The following WRNIP1 variants were observed in gnomAD, a reference collection of about 807,000 sequenced individuals.
WRNIP1 encodes WRN helicase interacting protein 1, also known as ATPase WRNIP1.
In WRNIP1, 41 loss-of-function variants were observed where a neutral mutation model predicts 56.1. That is an observed-to-expected ratio of 0.73 (90% CI 0.57 to 0.95). WRNIP1 has a LOEUF of 0.95. Ranked by LOEUF, WRNIP1 falls within the 40% of genes least tolerant of loss-of-function variation. The pLI, the probability that WRNIP1 is intolerant of heterozygous loss-of-function variation, is 0.00. For missense variants in WRNIP1, 1,170 were observed against 939.4 expected, an observed-to-expected ratio of 1.25 and a Z score of -3.21; for synonymous variants, 547 against 398.1, an observed-to-expected ratio of 1.37 and a Z score of -4.45.
intron 3 of WRNIP1, among the ~76,000 whole-genome samples, chr6:2,778,007 G>A (rs1490962429): frequency 6.6e-6 from 1 of 152,174 alleles, no homozygotes; most frequent in Non-Finnish European, 1.5e-5. Flanking sequence ...GGTAAATATG[G>A]GGGTGAGATG....
chr6:2,772,555 A>AC (rs1483483673), intron 3 of WRNIP1, among the ~76,000 whole-genome samples: 1 of 152,202 alleles, frequency 6.6e-6, no homozygotes, highest in Non-Finnish European at 1.5e-5. Context: ...AGGGATAATT[A>AC]CCCAGGTATC....
At chr6:2,779,065 C>T (rs1013940016) in intron 3 of WRNIP1, among the ~76,000 whole-genome samples, 198 bp from the exon 4 acceptor site, 10 of 152,106 alleles carry the variant, frequency 6.6e-5, no homozygotes, top group African/African-American at 2.4e-4. Flanking sequence ...AGATACAGGG[C>T]GATAACCTGG....
intron 2 of WRNIP1, 72 bp downstream of exon 2, chr6:2,768,954 CA>C: frequency 6.9e-7 from 1 of 1,443,764 alleles, no homozygotes; most frequent in South Asian, 1.4e-5. Context: ...GATCACTATA[CA>C]AACGCTAGAG....
chr6:2,777,043 GTTGA>G (rs1170126250), intron 3 of WRNIP1, among the ~76,000 whole-genome samples: 1 of 152,188 alleles, frequency 6.6e-6, no homozygotes, highest in Non-Finnish European at 1.5e-5. Flanking sequence ...TAGCTGTAAG[GTTGA>G]TGGTTGCATG....
intron 2 of WRNIP1, among the ~76,000 whole-genome samples, chr6:2,769,272 ACAAT>A (rs1352085905): frequency 3.0e-4 from 45 of 152,118 alleles, no homozygotes. Flanking sequence ...TGAAAATTAA[ACAAT>A]CGGTATTTTC....
Position 2,779,384 on chromosome 6 carries a change from A to T in WRNIP1, c.1378A>T (p.Met460Leu), listed in dbSNP as rs756199418. 16 of 1,614,182 alleles carry T rather than the reference A, an allele frequency of 9.9e-6. No homozygotes were observed. The highest frequency in any genetic ancestry group is 1.7e-5 in the Admixed American group (1 of 60,020). ...AVLARLSSRK[M>L]FCKKSGQSYS... The stretch of plus-strand genomic sequence containing the variant: ...GCTGGCTAGGTTAAGCTCTAGGAAG[A>T]TGTTCTGTAAGAAGAGTGGGCAATC... Residue 460 changes from methionine to leucine, a missense_variant, in exon 4 of 7, where the codon ATG becomes TTG. Transcript: ENST00000380773.
In WRNIP1 at chr6:2,766,076, G is replaced by C. The variant is rs1017451316; in HGVS notation, c.454G>C (p.Ala152Pro). ...RPAAAAAAGS[A>P]SPRSWDEAEA... ...GGCGGCCGCCGCCGCGGCGGGGAGC[G>C]CGTCTCCGCGCAGCTGGGACGAGGC... The change falls in exon 1 of 7, where the codon GCG becomes CCG. Residue 152 changes from alanine to proline, a missense_variant. Ala to Pro is a conservative substitution (Grantham distance 27, BLOSUM62 -1). Coordinates refer to ENST00000380773, the MANE Select transcript of WRNIP1 (RefSeq NM_020135.3). 4.6e-6 allele frequency: 6 copies of C among 1,297,430 alleles called. No homozygotes were observed. Among genetic ancestry groups the C allele is most frequent in the Non-Finnish European group, 1.9e-6 (2 of 1,027,522 alleles). 80.4% of individuals were successfully genotyped at this position (1,297,430 alleles called of 1,614,324 possible). A position where few individuals can be genotyped will look rare whatever the true frequency, so the allele number is the denominator to read the frequency against.
chr6:2,770,396 C>G (rs760523880), intron 3 of WRNIP1, 35 bp downstream of exon 3: 2 of 1,611,766 alleles, frequency 1.2e-6, no homozygotes, highest in Non-Finnish European at 8.5e-7. Context: ...TGGGGGCACA[C>G]ACCTCCCAGA....
chr6:2,766,339 C>G lies in WRNIP1; in HGVS notation c.717C>G (p.Tyr239Ter). Residue 239 changes from tyrosine (Y) to a stop codon, truncating the protein, a stop_gained, in exon 1 of 7, where the codon TAC becomes TAG. Coordinates refer to ENST00000380773, the MANE Select transcript of WRNIP1 (RefSeq NM_020135.3). LOFTEE classifies it high-confidence loss of function. ...TGCGTCCTGACACGCTGCAGGATTA[C>G]TTCGGGCAGAGCAAGGCCGTGGGCC... ...DTMRPDTLQD[Y>*]FGQSKAVGQD... The G allele has an allele frequency of 6.2e-7, 1 of 1,610,854 alleles. No homozygotes were observed. Among genetic ancestry groups the G allele is most frequent in the Non-Finnish European group, 8.5e-7 (1 of 1,179,086 alleles).
At position 2,766,436 on chromosome 6, in the gene WRNIP1, T is replaced by C; in HGVS notation, c.814T>C (p.Cys272Arg). 1 of 1,558,224 alleles carries C rather than the reference T, an allele frequency of 6.4e-7. No individual in the cohort carries two copies. The highest frequency in any genetic ancestry group is 8.7e-7 in the Non-Finnish European group (1 of 1,145,960). ...GCTTATCCTGTGGGGGCCGCCGGGC[T>C]GCGGCAAGGTGAGTGCGGCCTTGGC... Reference protein sequence around the residue: ...PSLILWGPPGCGKTTLAHIIA... With the variant: ...PSLILWGPPGRGKTTLAHIIA... The change falls in exon 1 of 7, where the codon TGC becomes CGC. Residue 272 changes from cysteine (C) to arginine (R), a missense_variant. Transcript: ENST00000380773.
In WRNIP1 at chr6:2,765,546, G is replaced by T; in HGVS notation, c.-77G>T. On this transcript the variant is annotated 5_prime_UTR_variant, in exon 1 of 7. It removes the in-frame stop codon of an upstream open reading frame in the 5' UTR. Transcript: ENST00000380773. The stretch of plus-strand genomic sequence containing the variant: ...CGAGGGTCTCGCGGCGCGGGGCCTA[G>T]CGGAGGGCATCGAAGGCCTCCGCGT... 7.4e-7 allele frequency: 1 copy of T among 1,357,952 alleles called. No homozygotes were observed. Among genetic ancestry groups the T allele is most frequent in the Non-Finnish European group, 9.4e-7 (1 of 1,062,860 alleles). 84.1% of individuals were successfully genotyped at this position (1,357,952 alleles called of 1,614,324 possible). A position where few individuals can be genotyped will look rare whatever the true frequency, so the allele number is the denominator to read the frequency against.
Position 2,779,491 on chromosome 6 carries a change from A to G in WRNIP1, c.1485A>G (p.Ala495=). 6.2e-7 allele frequency: 1 copy of G among 1,612,578 alleles called. No individual in the cohort carries two copies. Among genetic ancestry groups the G allele is most frequent in the Non-Finnish European group, 8.5e-7 (1 of 1,179,200 alleles). The change falls in exon 4 of 7, where the codon GCA becomes GCG. Residue 495 remains alanine, a splice_region_variant and synonymous_variant. Transcript: ENST00000380773. ...LQRSHILYDR[A]GEEHYNCISA... ...GATCCCACATTTTATATGACCGGGC[A>G]GGTAAGTAATTCACCTGTGGAAAGA... is the stretch of plus-strand genomic sequence containing the variant.
At chr6:2,773,766 T>C in intron 3 of WRNIP1, 1 of 878,510 alleles carries the variant, frequency 1.1e-6, no homozygotes, top group East Asian at 1.3e-4. Flanking sequence ...TCAAAAACAC[T>C]CCTAAAGAAT....
chr6:2,783,911 G>A (rs1206283247), intron 5 of WRNIP1, among the ~76,000 whole-genome samples: 1 of 151,956 alleles, frequency 6.6e-6, no homozygotes, highest in African/African-American at 2.4e-5. Context: ...GGTTTTCTTT[G>A]GACAGCTCCC....
intron 3 of WRNIP1, among the ~76,000 whole-genome samples, chr6:2,777,207 C>T (rs1278296437): frequency 4.6e-5 from 7 of 152,168 alleles, no homozygotes; most frequent in Non-Finnish European, 2.9e-5. Flanking sequence ...AAAGGTTTCA[C>T]TCTGAGATTA....
In WRNIP1 at chr6:2,784,415, A is replaced by G. The variant is rs1311174440; in HGVS notation, c.1722+12A>G. 2 of 1,613,230 alleles carry G rather than the reference A, an allele frequency of 1.2e-6. No homozygotes were observed. Among genetic ancestry groups the G allele is most frequent in the East Asian group, 2.2e-5 (1 of 44,864 alleles). On this transcript the variant is annotated intron_variant, in intron 6 of 6. Coordinates refer to ENST00000380773, the MANE Select transcript of WRNIP1 (RefSeq NM_020135.3). ...TGCCTGAATGTGAGGTAAAGTAATC[A>G]GCTCATTTCTTGCAAATCACTTCTT...
chr6:2,782,756 T>C (rs1765592918), intron 4 of WRNIP1, among the ~76,000 whole-genome samples: 1 of 152,184 alleles, frequency 6.6e-6, no homozygotes, highest in South Asian at 2.1e-4. Flanking sequence ...CATGTGAATC[T>C]AGGGTAAAAA....
At position 2,781,369 on chromosome 6, in the gene WRNIP1, T is replaced by G. The variant is rs190983252; in HGVS notation, c.1486+1877T>G. On this transcript the variant is annotated intron_variant, in intron 4 of 6. Transcript: ENST00000380773. ...AGTGTGTTTACACACCCCACCCCAG[T>G]GCAACATGTCTGCCCCACAGTGGAT... Among the ~76,000 whole-genome samples, 503 of 152,298 alleles carry G rather than the reference T, an allele frequency of 3.3e-3. 6 individuals are homozygous for G. The highest frequency in any genetic ancestry group is 5.0e-3 in the Non-Finnish European group (341 of 68,018).
At chr6:2,773,855 G>A (rs2113468342) in intron 3 of WRNIP1, 2 of 984,708 alleles carry the variant, frequency 2.0e-6, no homozygotes, top group Non-Finnish European at 2.4e-6. Context: ...ACTGCCCTCT[G>A]CCTAGCTAGG....
Sources: allele counts gnomAD v4.1 joint callset (sites outside exome capture counted in the v4.1 genomes callset), GRCh38; gene constraint gnomAD v4.1.1; transcripts MANE v1.5; gene names NCBI Gene and HGNC (gene_info 2026-07-23, HGNC 2026-07-21).